The following VTA1 variants were observed in gnomAD, a reference collection of about 807,000 sequenced individuals.
VTA1 encodes vesicle trafficking 1, also known as vacuolar protein sorting-associated protein VTA1 homolog.
In VTA1, 24 loss-of-function variants were observed where a neutral mutation model predicts 36.9. The observed-to-expected ratio is 0.65, with a 90% CI of 0.47 to 0.91. The LOEUF is 0.91. Among genes scored for constraint, VTA1 ranks in the 40% least tolerant of loss-of-function variants. The pLI is 0.00. For synonymous variants in VTA1, 142 were observed against 130.2 expected (o/e 1.09, Z -0.62); for missense variants, 393 against 377.2 (o/e 1.04, Z -0.35).
Position 142,152,594 on chromosome 6 carries a change from T to TA in VTA1, c.112+5201dup, listed in dbSNP as rs901640082. Among the ~76,000 whole-genome samples, 6 of 152,140 alleles carry TA rather than the reference T, an allele frequency of 3.9e-5. No individual in the cohort carries two copies. The South Asian group carries it at 6.2e-4, about 16-fold the overall frequency. Reference sequence around the variant, plus strand: ...ATTCATAACAATGTAAAATTTCTGTTAAAAAAGTACTTTTTGTATTTTAAA... The same window carrying TA: ...ATTCATAACAATGTAAAATTTCTGTTAAAAAAAGTACTTTTTGTATTTTAAA... On this transcript the variant is annotated intron_variant, in intron 1 of 7. Coordinates refer to ENST00000367630, the MANE Select transcript of VTA1 (RefSeq NM_016485.5).
rs750897371 is a variant in VTA1, at chr6:142,147,317, C to T, written c.30C>T (p.Leu10=). Residue 10 remains leucine (L), a synonymous_variant, in exon 1 of 8, where the codon CTC becomes CTT. Transcript: ENST00000367630. ...CCGCGCTTGCACCGCTGCCCCCGCT[C>T]CCCGCACAGTTCAAGAGCATACAGC... The part of the protein sequence containing the change: MAALAPLPP[L]PAQFKSIQHH... The T allele has an allele frequency of 6.2e-7, 1 of 1,614,216 alleles. No homozygotes were observed. Among genetic ancestry groups the T allele is most frequent in the South Asian group, 1.1e-5 (1 of 91,088 alleles).
rs531081873 is a variant in VTA1 at position 142,210,787 on chromosome 6, A to G, written c.778+6722A>G. On this transcript the variant is annotated intron_variant, in intron 7 of 7. Transcript: ENST00000367630. The stretch of plus-strand genomic sequence containing the variant: ...TCAAATAACTAAAAATAGAAGTACC[A>G]TATGATTCAGCAGTTCCAAAGGAAA... 2.6e-5 allele frequency among the ~76,000 whole-genome samples: 4 copies of G among 152,324 alleles called. No homozygotes were observed. In the South Asian group the frequency reaches 8.3e-4, roughly 32 times the overall value.
chr6:142,181,496 T>G (rs1775239201), intron 4 of VTA1, among the ~76,000 whole-genome samples: 1 of 149,076 alleles, frequency 6.7e-6, no homozygotes, highest in South Asian at 2.1e-4. Flanking sequence ...TTTTATACAT[T>G]TATATGTAGA....
rs1459452662 is a variant in VTA1, at chr6:142,219,452, G to A, written c.*809G>A. On this transcript the variant is annotated 3_prime_UTR_variant, in exon 8 of 8. Coordinates refer to ENST00000367630, the MANE Select transcript of VTA1 (RefSeq NM_016485.5). ...GCTGCTGTAGAATGGATTCCACACA[G>A]TGGATAGCTATGGGTGATTCAGAAT... 6.6e-6 allele frequency: 1 copy of A among 152,210 alleles called. No homozygotes were observed. The highest frequency in any genetic ancestry group is 1.5e-5 in the Non-Finnish European group (1 of 68,032). 9.4% of individuals were successfully genotyped at this position (152,210 alleles called of 1,614,324 possible).
intron 4 of VTA1, among the ~76,000 whole-genome samples, chr6:142,181,094 A>AAAAAATATATATATATAT (rs1471429927): frequency 7.4e-4 from 27 of 36,432 alleles, no homozygotes; most frequent in Non-Finnish European, 1.2e-3. Context: ...AAAAAAAAAA[A>AAAAAATATATATATATAT]ATATATATAT....
At chr6:142,199,823 TGATGATATTAATA>T (rs1582899355) in intron 6 of VTA1, among the ~76,000 whole-genome samples, 1 of 152,274 alleles carries the variant, frequency 6.6e-6, no homozygotes, top group East Asian at 1.9e-4. Flanking sequence ...ATGGCCTATG[TGATGATATTAATA>T]GACAAACCTA....
At chr6:142,187,903 ACTTT>A (rs1435800217) in intron 4 of VTA1, among the ~76,000 whole-genome samples, 10 of 137,570 alleles carry the variant, frequency 7.3e-5, no homozygotes, top group African/African-American at 1.6e-4. Context: ...GCAAAAGGAT[ACTTT>A]CTTTCTTTTT....
At chr6:142,194,307 T>A (rs76692393) in intron 5 of VTA1, among the ~76,000 whole-genome samples, 10,043 of 152,194 alleles carry the variant, frequency 0.066, 493 homozygotes, top group Admixed American at 0.15. Flanking sequence ...AGATTTTCAG[T>A]TTCTCTTTTT....
At chr6:142,183,610 T>C (rs1459429889) in intron 4 of VTA1, among the ~76,000 whole-genome samples, 2 of 152,184 alleles carry the variant, frequency 1.3e-5, no homozygotes, top group Admixed American at 1.3e-4. Context: ...TTTTTGCAGT[T>C]CCTGTCTCTT....
intron 7 of VTA1, among the ~76,000 whole-genome samples, chr6:142,210,898 C>CA (rs1346173648): frequency 1.2e-4 from 18 of 151,260 alleles, no homozygotes; most frequent in Non-Finnish European, 2.5e-4. Flanking sequence ...TCACGGTAGC[C>CA]AAAAAATGGA....
At chr6:142,182,188 A>G (rs1196516695) in intron 4 of VTA1, among the ~76,000 whole-genome samples, 25 of 152,180 alleles carry the variant, frequency 1.6e-4, no homozygotes, top group Non-Finnish European at 1.3e-4. Context: ...GCATTTTTGC[A>G]TGTAATTTGG....
Position 142,223,538 on chromosome 6 carries a change from A to G in VTA1, c.*4895A>G, listed in dbSNP as rs1248924824. The G allele has an allele frequency of 6.6e-6, 1 of 152,196 alleles. No individual in the cohort carries two copies. Among genetic ancestry groups the G allele is most frequent in the Admixed American group, 6.5e-5 (1 of 15,276 alleles). The allele number at this position is 152,196 out of a possible 1,614,324, so 9.4% of individuals were successfully genotyped here. A position where few individuals can be genotyped will look rare whatever the true frequency, so the allele number is the denominator to read the frequency against. On this transcript the variant is annotated 3_prime_UTR_variant, in exon 8 of 8. Transcript: ENST00000367630. ...AATTTCTCCCTGAAAGTCTTAGGCAAAAGCCCCTGTCTCTTACTTCATATA... is the reference window on the plus strand; with the variant it reads ...AATTTCTCCCTGAAAGTCTTAGGCAGAAGCCCCTGTCTCTTACTTCATATA...
rs1776146901 is a variant in VTA1 at position 142,223,216 on chromosome 6, A to G, written c.*4573A>G. On this transcript the variant is annotated 3_prime_UTR_variant, in exon 8 of 8. Coordinates refer to ENST00000367630, the MANE Select transcript of VTA1 (RefSeq NM_016485.5). The stretch of plus-strand genomic sequence containing the variant: ...ACTTGAAAATCTGATTGCACCCTCA[A>G]TATCTGGAATATACACTGATCTATG... 6.6e-6 allele frequency: 1 copy of G among 152,200 alleles called. No homozygotes were observed. Among genetic ancestry groups the G allele is most frequent in the South Asian group, 2.1e-4 (1 of 4,832 alleles). The allele number at this position is 152,200 out of a possible 1,614,324, so 9.4% of individuals were successfully genotyped here. A position where few individuals can be genotyped will look rare whatever the true frequency, so the allele number is the denominator to read the frequency against.
chr6:142,189,420 T>C lies in VTA1; in HGVS notation c.412-6T>C. Reference sequence around the variant, plus strand: ...CCAATGTTGATATAAAAATGCTCTCTTTTAGAATGTGAAACACAGGAAGTA... The same window carrying C: ...CCAATGTTGATATAAAAATGCTCTCCTTTAGAATGTGAAACACAGGAAGTA... On this transcript the variant is annotated splice_region_variant and splice_polypyrimidine_tract_variant and intron_variant, in intron 4 of 7. Transcript: ENST00000367630. 1 of 1,610,468 alleles carries C rather than the reference T, an allele frequency of 6.2e-7. No individual in the cohort carries two copies. The highest frequency in any genetic ancestry group is 8.5e-7 in the Non-Finnish European group (1 of 1,177,092).
At chr6:142,164,423 T>C (rs1406950890) in intron 1 of VTA1, among the ~76,000 whole-genome samples, 1 of 152,060 alleles carries the variant, frequency 6.6e-6, no homozygotes, top group African/African-American at 2.4e-5. Flanking sequence ...ATTCTTAAAA[T>C]TGATATGTGG....
chr6:142,205,534 G>A (rs1582902613), intron 7 of VTA1, among the ~76,000 whole-genome samples: 1 of 152,136 alleles, frequency 6.6e-6, no homozygotes, highest in East Asian at 1.9e-4. Context: ...AACTCAGGAT[G>A]TACTCCATCA....
rs564154015 is a variant in VTA1, at chr6:142,172,980, GA to G, written c.411+2568del. On this transcript the variant is annotated intron_variant, in intron 4 of 7. Transcript: ENST00000367630. The stretch of plus-strand genomic sequence containing the variant: ...AAAACCATTTGACAAAAAAAAAAAA[GA>G]AAAAAAAACTGGTTGATGATTAACT... Among the ~76,000 whole-genome samples, 63 of 147,844 alleles carry G rather than the reference GA, an allele frequency of 4.3e-4. 1 individual carries two copies. The highest frequency in any genetic ancestry group is 3.6e-3 in the South Asian group (17 of 4,666).
At chr6:142,186,147 G>C (rs1311471063) in intron 4 of VTA1, among the ~76,000 whole-genome samples, 2 of 152,138 alleles carry the variant, frequency 1.3e-5, no homozygotes, top group Non-Finnish European at 2.9e-5. Flanking sequence ...TATGAGGAAT[G>C]AGCTGAGTAG....
chr6:142,151,512 T>G (rs777485339), intron 1 of VTA1, among the ~76,000 whole-genome samples: 1 of 152,222 alleles, frequency 6.6e-6, no homozygotes, highest in Non-Finnish European at 1.5e-5. Context: ...CTCTGCAGCT[T>G]ATTGCTATTT....
Sources: gnomAD v4.1 joint callset for allele counts (sites outside exome capture counted in the v4.1 genomes callset) on GRCh38, gnomAD v4.1.1 for gene constraint, MANE v1.5 for transcripts, NCBI Gene and HGNC (gene_info 2026-07-23, HGNC 2026-07-21) for gene names.